The following C11orf21 variants were observed in gnomAD, a reference collection of about 807,000 sequenced individuals.
C11orf21 encodes uncharacterized protein C11orf21.
A neutral mutation model predicts 15.2 loss-of-function variants in C11orf21; 19 were observed. That is an observed-to-expected ratio of 1.25 (90% CI 0.87 to 1.84). C11orf21 has a LOEUF of 1.84. Ranked by LOEUF, C11orf21 falls within the 40% of genes most tolerant of loss-of-function variation. C11orf21 has a pLI of 0.00. For synonymous variants in C11orf21, 62 were observed against 66.8 expected (o/e 0.93, Z 0.35); for missense variants, 171 against 174.4 (o/e 0.98, Z 0.11).
Position 2,296,773 on chromosome 11 carries a change from A to C in C11orf21, c.*1177T>G, listed in dbSNP as rs576410961. On this transcript the variant is annotated 3_prime_UTR_variant, in exon 4 of 4. Transcript: ENST00000381153. The surrounding 1 kb of genome is among the most constrained non-coding windows in gnomAD (Gnocchi z 5.6). ...CGGTGCCAGTTGCCATCTCAGCCAC[A>C]GGCCCGGGGCCTCGTGGCCACCCCC... The C allele has an allele frequency of 2.0e-5, 3 of 152,422 alleles. No individual in the cohort carries two copies. Among genetic ancestry groups the C allele is most frequent in the East Asian group, 3.9e-4 (2 of 5,174 alleles). The allele number at this position is 152,422 out of a possible 1,614,324, so 9.4% of individuals were successfully genotyped here.
Position 2,301,769 on chromosome 11 carries a change from G to A in C11orf21, c.40C>T (p.Pro14Ser). 6.5e-7 allele frequency: 1 copy of A among 1,549,376 alleles called. No individual in the cohort carries two copies. Among genetic ancestry groups the A allele is most frequent in the Non-Finnish European group, 8.7e-7 (1 of 1,146,690 alleles). ...CGGGGAGCTCACCTCCTCCTCCCCG[G>A]GCGCCGTCTCCTCCACATCCCACAC... is the stretch of plus-strand genomic sequence containing the variant. ...TWCGMWRRRR[P>S]GRRSAVPRWP... The change falls in exon 1 of 4, where the codon CCG becomes TCG. Residue 14 changes from proline (P) to serine (S), a missense_variant. Pro to Ser is a moderately conservative substitution (Grantham distance 74). Transcript: ENST00000381153.
Position 2,299,329 on chromosome 11 carries a change from G to A in C11orf21, c.*28+99C>T, listed in dbSNP as rs1847613721. 46 of 1,291,142 alleles carry A rather than the reference G, an allele frequency of 3.6e-5. No homozygotes were observed. In the South Asian group the frequency reaches 5.6e-4, roughly 16 times the overall value. 80.0% of individuals were successfully genotyped at this position (1,291,142 alleles called of 1,614,324 possible). A position where few individuals can be genotyped will look rare whatever the true frequency, so the allele number is the denominator to read the frequency against. On this transcript the variant is annotated intron_variant, in intron 3 of 3. Transcript: ENST00000381153. ...AGCTCCAGGCCCCACTCGCTGTGAC[G>A]CAGGTGGGAAGCTCTTGAGTGCCTC...
At position 2,299,608 on chromosome 11, in the gene C11orf21, C is replaced by T; in HGVS notation, c.247G>A (p.Ala83Thr). The change falls in exon 3 of 4, where the codon GCT becomes ACT. Residue 83 changes from alanine to threonine, a missense_variant. Physicochemically the swap from Ala to Thr is moderately conservative, Grantham distance 58 (BLOSUM62 0). Transcript: ENST00000381153. ...CAGCAGCAGGCAAGCCAGTGCAGAG[C>T]TGGGTGATCCACAGGTTCATGAGCG... The part of the protein sequence containing the change: ...ATAHEPVDHP[A>T]LHWLACCCCL... 1.3e-6 allele frequency: 2 copies of T among 1,551,206 alleles called. No individual in the cohort carries two copies. The highest frequency in any genetic ancestry group is 1.7e-6 in the Non-Finnish European group (2 of 1,146,986).
In C11orf21 at chr11:2,295,935, C is replaced by A. The variant is rs1460690186; in HGVS notation, c.*2015G>T. Reference sequence around the variant, plus strand: ...TTAAAAATTAAAGCTTTCACCAGATCAATGGCTGTAGACCAGGTGTCCGGG... The same window carrying A: ...TTAAAAATTAAAGCTTTCACCAGATAAATGGCTGTAGACCAGGTGTCCGGG... On this transcript the variant is annotated 3_prime_UTR_variant, in exon 4 of 4. Transcript: ENST00000381153. This position sits in a 1 kb window ranked among gnomAD's most constrained non-coding sequence, Gnocchi z 5.4. 6.6e-6 allele frequency: 1 copy of A among 152,216 alleles called. No individual in the cohort carries two copies. Among genetic ancestry groups the A allele is most frequent in the Non-Finnish European group, 1.5e-5 (1 of 68,036 alleles). The allele number at this position is 152,216 out of a possible 1,614,324, so 9.4% of individuals were successfully genotyped here.
rs1847522243 is a variant in C11orf21 at position 2,296,219 on chromosome 11, G to C, written c.*1731C>G. On this transcript the variant is annotated 3_prime_UTR_variant, in exon 4 of 4. Coordinates refer to ENST00000381153, the MANE Select transcript of C11orf21 (RefSeq NM_001329958.2). The surrounding 1 kb of genome is among the most constrained non-coding windows in gnomAD (Gnocchi z 5.6). ...TTTTGACTGACAATTTTCCTAGGCA[G>C]AGTTCACCCCAATGGCTTCCACCTG... The C allele has an allele frequency of 6.6e-6, 1 of 152,272 alleles. No homozygotes were observed. The highest frequency in any genetic ancestry group is 1.5e-5 in the Non-Finnish European group (1 of 68,080). 9.4% of individuals were successfully genotyped at this position (152,272 alleles called of 1,614,324 possible). A position where few individuals can be genotyped will look rare whatever the true frequency, so the allele number is the denominator to read the frequency against.
At chr11:2,300,025 T>C (rs1847645113) in intron 2 of C11orf21, among the ~76,000 whole-genome samples, 1 of 143,800 alleles carries the variant, frequency 7.0e-6, no homozygotes, top group Non-Finnish European at 1.5e-5. Flanking sequence ...AACCCGCTGC[T>C]CGAGGGGTCT....
Position 2,301,829 on chromosome 11 carries a change from C to G in C11orf21, c.-21G>C. 1 of 1,550,820 alleles carries G rather than the reference C, an allele frequency of 6.4e-7. No homozygotes were observed. Among genetic ancestry groups the G allele is most frequent in the Non-Finnish European group, 8.7e-7 (1 of 1,146,958 alleles). ...CCCATGACTTTCCCCCTCTCAGCGC[C>G]GTCCTCAGTGGCCACACCAAGAACG... is the stretch of plus-strand genomic sequence containing the variant. On this transcript the variant is annotated 5_prime_UTR_variant, in exon 1 of 4. Coordinates refer to ENST00000381153, the MANE Select transcript of C11orf21 (RefSeq NM_001329958.2).
Position 2,301,741 on chromosome 11 carries a change from G to C in C11orf21, c.53+15C>G, listed in dbSNP as rs958970592. 7 of 1,544,492 alleles carry C rather than the reference G, an allele frequency of 4.5e-6. No individual in the cohort carries two copies. The highest frequency in any genetic ancestry group is 6.1e-6 in the Non-Finnish European group (7 of 1,144,492). On this transcript the variant is annotated intron_variant, in intron 1 of 3. Transcript: ENST00000381153. ...CCCAGTCCACACTTGCTCACTCCCA[G>C]GACGGGGAGCTCACCTCCTCCTCCC...
chr11:2,301,765 C>T lies in C11orf21; in HGVS notation c.44G>A (p.Gly15Glu). The T allele has an allele frequency of 6.5e-7, 1 of 1,549,194 alleles. No homozygotes were observed. The highest frequency in any genetic ancestry group is 8.7e-7 in the Non-Finnish European group (1 of 1,146,612). ...WCGMWRRRRP[G>E]RRSAVPRWPH... ...AGGACGGGGAGCTCACCTCCTCCTCCCCGGGCGCCGTCTCCTCCACATCCC... is the reference window on the plus strand; with the variant it reads ...AGGACGGGGAGCTCACCTCCTCCTCTCCGGGCGCCGTCTCCTCCACATCCC... Residue 15 changes from glycine to glutamate, a missense_variant, in exon 1 of 4, where the codon GGG becomes GAG. Gly to Glu is a moderately conservative substitution (Grantham distance 98). Coordinates refer to ENST00000381153, the MANE Select transcript of C11orf21 (RefSeq NM_001329958.2).
At position 2,297,398 on chromosome 11, in the gene C11orf21, G is replaced by T. The variant is rs975049759; in HGVS notation, c.*552C>A. 8.5e-5 allele frequency: 13 copies of T among 152,350 alleles called. No homozygotes were observed. The highest frequency in any genetic ancestry group is 6.5e-4 in the Admixed American group (10 of 15,284). 9.4% of individuals were successfully genotyped at this position (152,350 alleles called of 1,614,324 possible). ...CATCCAGGCGGGTGAACACTCGTGT[G>T]TTGGGAGGCTGGTGAAGCCTGGCAT... is the stretch of plus-strand genomic sequence containing the variant. On this transcript the variant is annotated 3_prime_UTR_variant, in exon 4 of 4. Transcript: ENST00000381153.
intron 1 of C11orf21, 33 bp downstream of exon 1, chr11:2,301,723 C>T (rs1415229372): frequency 3.9e-6 from 6 of 1,527,034 alleles, no homozygotes; most frequent in Non-Finnish European, 4.4e-6. Flanking sequence ...AGGCCCAGTC[C>T]ACACTTGCTC....
In C11orf21 at chr11:2,299,669, T is replaced by C; in HGVS notation, c.186A>G (p.Gln62=). ...PGSMMPPAAA[Q]PSAHGALVPP... Reference sequence around the variant, plus strand: ...GAACAAGGGCACCATGGGCGGAGGGTTGGGCAGCTGCAGGTGGCATCATTG... The same window carrying C: ...GAACAAGGGCACCATGGGCGGAGGGCTGGGCAGCTGCAGGTGGCATCATTG... Residue 62 remains glutamine, a synonymous_variant, in exon 3 of 4, where the codon CAA becomes CAG. Transcript: ENST00000381153. 6.4e-7 allele frequency: 1 copy of C among 1,550,714 alleles called. No homozygotes were observed. The highest frequency in any genetic ancestry group is 1.2e-5 in the South Asian group (1 of 84,034).
At position 2,299,733 on chromosome 11, in the gene C11orf21, G is replaced by A. The variant is rs751710957; in HGVS notation, c.148-26C>T. On this transcript the variant is annotated intron_variant, in intron 2 of 3. Transcript: ENST00000381153. ...CTGGTGGGTAAGGACATTGTAGAGT[G>A]AGCGGGCGCACCTGGGACCCAGGAA... 12 of 1,548,500 alleles carry A rather than the reference G, an allele frequency of 7.7e-6. No individual in the cohort carries two copies. The South Asian group carries it at 1.1e-4, about 14-fold the overall frequency.
intron 1 of C11orf21, chr11:2,300,906 C>T (rs2077078): frequency 0.12 from 90,117 of 759,744 alleles, 6,403 homozygotes; most frequent in African/African-American, 0.23. Context: ...TTCATACCTG[C>T]GCCCCAGTCT....
intron 2 of C11orf21, among the ~76,000 whole-genome samples, chr11:2,299,997 G>T (rs1295381632): frequency 1.3e-5 from 2 of 148,784 alleles, no homozygotes; most frequent in Non-Finnish European, 3.0e-5. Context: ...GTCCTCCTGG[G>T]CCAGCTCCTT....
chr11:2,296,831 G>C lies in C11orf21; in HGVS notation c.*1119C>G, dbSNP rs1025595524. 2 of 152,440 alleles carry C rather than the reference G, an allele frequency of 1.3e-5. No homozygotes were observed. Among genetic ancestry groups the C allele is most frequent in the African/African-American group, 4.8e-5 (2 of 41,586 alleles). The allele number at this position is 152,440 out of a possible 1,614,324, so 9.4% of individuals were successfully genotyped here. A position where few individuals can be genotyped will look rare whatever the true frequency, so the allele number is the denominator to read the frequency against. On this transcript the variant is annotated 3_prime_UTR_variant, in exon 4 of 4. Coordinates refer to ENST00000381153, the MANE Select transcript of C11orf21 (RefSeq NM_001329958.2). This position sits in a 1 kb window ranked among gnomAD's most constrained non-coding sequence, Gnocchi z 5.6. ...TGTGCCCTGCCTCCTTAAAGACTGT[G>C]AGCGAGCTCCCAACTGGGACACCCC... is the stretch of plus-strand genomic sequence containing the variant.
chr11:2,301,316 A>C, intron 1 of C11orf21: 1 of 195,868 alleles, frequency 5.1e-6, no homozygotes, highest in South Asian at 8.8e-5. Flanking sequence ...GAGGGCCCGG[A>C]GTGGTCCCTG....
chr11:2,299,104 G>T (rs1439078037), intron 3 of C11orf21, among the ~76,000 whole-genome samples: 1 of 152,204 alleles, frequency 6.6e-6, no homozygotes, highest in Non-Finnish European at 1.5e-5. Flanking sequence ...GGGCTGCCCA[G>T]GCAGTAGGGG....
At chr11:2,301,941 G>A (rs1305214697), upstream of C11orf21, 5 of 1,509,802 alleles carry the variant, frequency 3.3e-6, no homozygotes, top group East Asian at 4.9e-5. Flanking sequence ...GTGAGGTGGT[G>A]GGGGGAGCCA....
Sources: allele counts gnomAD v4.1 joint callset (sites outside exome capture counted in the v4.1 genomes callset), GRCh38; gene constraint gnomAD v4.1.1; non-coding constraint Gnocchi (gnomAD v3.1); transcripts MANE v1.5; gene names NCBI Gene and HGNC (gene_info 2026-07-23, HGNC 2026-07-21).